Variants in NARS1 observed in about 807,000 individuals in gnomAD.
NARS1 encodes the protein asparaginyl-tRNA synthetase 1.
Under a neutral mutation model 79.2 loss-of-function variants are expected in NARS1, and 65 were observed. That is an observed-to-expected ratio of 0.82 (90% CI 0.67 to 1.01). The LOEUF (loss-of-function observed/expected upper bound fraction) is 1.01, where lower values mean the gene tolerates loss of function less well. NARS1 is among the 50% of genes least tolerant of loss of function. The probability of loss-of-function intolerance (pLI) is 0.00; values close to 1 mark genes in which losing one functional copy is unlikely to be tolerated. For missense variants in NARS1, 649 were observed against 673.8 expected (o/e 0.96, Z 0.41); for synonymous variants, 229 against 238.8 (o/e 0.96, Z 0.38).
At chr18:57,606,326 C>A (rs2051555833) in intron 10 of NARS1, among the ~76,000 whole-genome samples, 3 of 132,602 alleles carry the variant, frequency 2.3e-5, no homozygotes, top group African/African-American at 5.8e-5. Flanking sequence ...AGCCTGGCGA[C>A]AGAGTGAGAC....
At position 57,607,290 on chromosome 18, in the gene NARS1, G is replaced by T; in HGVS notation, c.845C>A (p.Ala282Asp). Reference sequence around the variant, plus strand: ...AAAATAGTCAAGCTTGAAGAGTGTGGCACCACCTTCTACTTGTGTTTGCAC... The same window carrying T: ...AAAATAGTCAAGCTTGAAGAGTGTGTCACCACCTTCTACTTGTGTTTGCAC... ...TLVQTQVEGG[A>D]TLFKLDYFGE... is the part of the protein sequence containing the mutation. Residue 282 changes from alanine to aspartate, a missense_variant, in exon 9 of 14, where the codon GCC becomes GAC. By Grantham distance (126) the Ala-to-Asp change is moderately radical. Transcript: ENST00000256854. The T allele has an allele frequency of 6.2e-7, 1 of 1,614,074 alleles. No homozygotes were observed. The highest frequency in any genetic ancestry group is 1.1e-5 in the South Asian group (1 of 91,080).
At chr18:57,620,424 A>G (rs1908250619) in intron 2 of NARS1, 145 bp downstream of exon 2, 3 of 575,240 alleles carry the variant, frequency 5.2e-6, no homozygotes, top group Non-Finnish European at 9.3e-6. Flanking sequence ...AAAGTCACAT[A>G]TCTGTATGCA....
chr18:57,618,218 G>A (rs1408820415), intron 2 of NARS1, among the ~76,000 whole-genome samples: 2 of 150,886 alleles, frequency 1.3e-5, no homozygotes, highest in African/African-American at 4.9e-5. Flanking sequence ...GAACCCAGAA[G>A]GCAGAGGTTG....
intron 4 of NARS1, 33 bp downstream of exon 4, chr18:57,615,608 G>A: frequency 6.8e-7 from 1 of 1,463,192 alleles, no homozygotes; most frequent in Non-Finnish European, 9.6e-7. Flanking sequence ...ATGTAGCCAA[G>A]TCCACGGTAT....
Position 57,609,373 on chromosome 18 carries a change from G to GTAA in NARS1, c.560_562dup (p.Leu187_Thr188insIle). The GTAA allele has an allele frequency of 6.2e-7, 1 of 1,613,680 alleles. No individual in the cohort carries two copies. Among genetic ancestry groups the GTAA allele is most frequent in the South Asian group, 1.1e-5 (1 of 91,044 alleles). ...TCCACTCACCTGCTTGCCCTTTGGG[G>GTAA]TAAGATTTAGCATTCCATACACTGC... On this transcript the variant is annotated inframe_insertion, in exon 7 of 14. Coordinates refer to ENST00000256854, the MANE Select transcript of NARS1 (RefSeq NM_004539.4).
rs1172546906 is a variant in NARS1 at position 57,613,622 on chromosome 18, A to G, written c.401T>C (p.Val134Ala). ...RGQRVKVFGW[V>A]HRLRRQGKNL... is the part of the protein sequence containing the mutation. ...TTTACCTTGCCTGCGCAGCCTGTGGACCCAGCCAAACACCTTTACTCTTTG... is the reference window on the plus strand; with the variant it reads ...TTTACCTTGCCTGCGCAGCCTGTGGGCCCAGCCAAACACCTTTACTCTTTG... The change falls in exon 5 of 14, where the codon GTC becomes GCC. Residue 134 changes from valine (V) to alanine (A), a missense_variant. Coordinates refer to ENST00000256854, the MANE Select transcript of NARS1 (RefSeq NM_004539.4). The G allele has an allele frequency of 3.7e-6, 6 of 1,613,982 alleles. No homozygotes were observed. Among genetic ancestry groups the G allele is most frequent in the Non-Finnish European group, 5.1e-6 (6 of 1,179,970 alleles).
Position 57,602,906 on chromosome 18 carries a change from G to T in NARS1, c.1289C>A (p.Thr430Asn). 2 of 1,614,040 alleles carry T rather than the reference G, an allele frequency of 1.2e-6. No individual in the cohort carries two copies. The highest frequency in any genetic ancestry group is 1.7e-6 in the Non-Finnish European group (2 of 1,179,962). The change falls in exon 12 of 14, where the codon ACC (threonine) becomes AAC (asparagine). Residue 430 changes from threonine (T) to asparagine (N), a missense_variant. Transcript: ENST00000256854. ...PEAPERLMTD[T>N]INEPILLCRF... The stretch of plus-strand genomic sequence containing the variant: ...ACACAGCAAGATTGGTTCATTAATG[G>T]TGTCTGTCATCAGTCTCTCAGGAGC...
rs388644 is a variant in NARS1 at position 57,620,507 on chromosome 18, A to T, written c.93+62T>A. On this transcript the variant is annotated intron_variant, in intron 2 of 13. Transcript: ENST00000256854. ...GAAATTAAGTTCTTGGCAAGTCACA[A>T]GAAAATTGACATAACTCATTAATAA... 0.082 allele frequency: 100,115 copies of T among 1,227,934 alleles called. 7,991 individuals carry two copies. Among genetic ancestry groups the T allele is most frequent in the East Asian group, 0.37 (15,619 of 42,286 alleles). The allele number at this position is 1,227,934 out of a possible 1,614,324, so 76.1% of individuals were successfully genotyped here. A position where few individuals can be genotyped will look rare whatever the true frequency, so the allele number is the denominator to read the frequency against.
intron 2 of NARS1, among the ~76,000 whole-genome samples, chr18:57,619,750 C>T (rs763728767): frequency 2.0e-5 from 3 of 151,932 alleles, no homozygotes; most frequent in Non-Finnish European, 4.4e-5. Context: ...AGTGCAGTGG[C>T]GCAATGGTGG....
intron 5 of NARS1, among the ~76,000 whole-genome samples, chr18:57,612,683 G>A (rs1010630470): frequency 9.2e-5 from 14 of 152,140 alleles, no homozygotes; most frequent in Non-Finnish European, 1.9e-4. Context: ...CGATCCACCC[G>A]CCTTGGCCTC....
At position 57,601,731 on chromosome 18, in the gene NARS1, A is replaced by C; in HGVS notation, c.1568T>G (p.Phe523Cys). 6.2e-7 allele frequency: 1 copy of C among 1,613,714 alleles called. No individual in the cohort carries two copies. The highest frequency in any genetic ancestry group is 8.5e-7 in the Non-Finnish European group (1 of 1,179,588). ...ATACCTATTCAGAATCCACGTTAAGAATCGTTCCAAGCCCAAGCCATATCC... is the reference window on the plus strand; with the variant it reads ...ATACCTATTCAGAATCCACGTTAAGCATCGTTCCAAGCCCAAGCCATATCC... ...HGGYGLGLERFLTWILNRYHI... is the reference protein window; with the variant it reads ...HGGYGLGLERCLTWILNRYHI... Residue 523 changes from phenylalanine (F) to cysteine (C), a missense_variant, in exon 14 of 14, where the codon TTC (phenylalanine) becomes TGC (cysteine). Phe to Cys is a radical substitution (Grantham distance 205). Transcript: ENST00000256854.
At position 57,601,746 on chromosome 18, in the gene NARS1, A is replaced by G; in HGVS notation, c.1553T>C (p.Leu518Ser). The change falls in exon 14 of 14, where the codon TTG (leucine) becomes TCG (serine). Residue 518 changes from leucine to serine, a missense_variant. Physicochemically the swap from Leu to Ser is moderately radical, Grantham distance 145 (BLOSUM62 -2). Transcript: ENST00000256854. ...CCACGTTAAGAATCGTTCCAAGCCCAAGCCATATCCTCCATGGGGACATGT... is the reference window on the plus strand; with the variant it reads ...CCACGTTAAGAATCGTTCCAAGCCCGAGCCATATCCTCCATGGGGACATGT... The part of the protein sequence containing the change: ...YGTCPHGGYG[L>S]GLERFLTWIL... 6.2e-7 allele frequency: 1 copy of G among 1,613,788 alleles called. No individual in the cohort carries two copies. Among genetic ancestry groups the G allele is most frequent in the Non-Finnish European group, 8.5e-7 (1 of 1,179,646 alleles).
At chr18:57,621,116 T>C (rs1273452818) in intron 1 of NARS1, among the ~76,000 whole-genome samples, 1 of 152,126 alleles carries the variant, frequency 6.6e-6, no homozygotes, top group Non-Finnish European at 1.5e-5. Context: ...GATATCCCAG[T>C]GCCAGTTTTT....
In NARS1 at chr18:57,602,863, G is replaced by C. The variant is rs1249679679; in HGVS notation, c.1332C>G (p.Ile444Met). 4.3e-6 allele frequency: 7 copies of C among 1,613,930 alleles called. No individual in the cohort carries two copies. The highest frequency in any genetic ancestry group is 5.1e-6 in the Non-Finnish European group (6 of 1,179,930). Reference protein sequence around the residue: ...PILLCRFPVEIKSFYMQRCPE... With the variant: ...PILLCRFPVEMKSFYMQRCPE... ...GACATCGCTGCATGTAGAAGGACTT[G>C]ATCTCCACAGGAAATCGACACAGCA... Residue 444 changes from isoleucine to methionine, a missense_variant, in exon 12 of 14, where the codon ATC becomes ATG. Physicochemically the swap from Ile to Met is conservative, Grantham distance 10 (BLOSUM62 1). Transcript: ENST00000256854.
chr18:57,614,848 T>C (rs2122449559), intron 4 of NARS1, among the ~76,000 whole-genome samples: 1 of 152,254 alleles, frequency 6.6e-6, no homozygotes, highest in South Asian at 2.1e-4. Flanking sequence ...ACTAGCCTCA[T>C]AACTCTAAAA....
At chr18:57,620,440 T>A in intron 2 of NARS1, 129 bp downstream of exon 2, 1 of 638,378 alleles carries the variant, frequency 1.6e-6, no homozygotes, top group Non-Finnish European at 2.8e-6. Flanking sequence ...ATGCATTCCT[T>A]ACTTTCCCTT....
chr18:57,615,327 C>T, intron 4 of NARS1, among the ~76,000 whole-genome samples: 1 of 151,978 alleles, frequency 6.6e-6, no homozygotes, highest in Non-Finnish European at 1.5e-5. Flanking sequence ...ACGGTGAAAC[C>T]CCGTCTCTAC....
rs1273364565 is a variant in NARS1, at chr18:57,615,955, T to C, written c.114A>G (p.Lys38=). ...TGLKALMTVG[K]EPFPTIYVDS... ...CTACGTAAATGGTAGGAAATGGTTCTTTCCCTACTGTCATCAAAGCCTTGG... is the reference window on the plus strand; with the variant it reads ...CTACGTAAATGGTAGGAAATGGTTCCTTCCCTACTGTCATCAAAGCCTTGG... Residue 38 remains lysine (K), a synonymous_variant, in exon 3 of 14, where the codon AAA becomes AAG. Transcript: ENST00000256854. The C allele has an allele frequency of 6.2e-7, 1 of 1,610,610 alleles. No homozygotes were observed. The highest frequency in any genetic ancestry group is 8.5e-7 in the Non-Finnish European group (1 of 1,178,602).
rs11285116 is a variant in NARS1 at position 57,605,610 on chromosome 18, C to CAAAAAAAAAA, written c.1251+237_1251+246dup. ...TAGGCGACAGAGCGAGACTCCGTCT[C>CAAAAAAAAAA]AAAAAAAAAAAAAAAAAAGAAAAAA... On this transcript the variant is annotated intron_variant, in intron 11 of 13. Coordinates refer to ENST00000256854, the MANE Select transcript of NARS1 (RefSeq NM_004539.4). Among the ~76,000 whole-genome samples, 2 of 109,652 alleles carry CAAAAAAAAAA rather than the reference C, an allele frequency of 1.8e-5. 1 individual carries two copies. The highest frequency in any genetic ancestry group is 3.7e-5 in the Non-Finnish European group (2 of 53,508). The allele number at this position is 109,652 out of a possible 152,430, so 71.9% of individuals were successfully genotyped here.
Sources: allele counts gnomAD v4.1 joint callset (sites outside exome capture counted in the v4.1 genomes callset), GRCh38; gene constraint gnomAD v4.1.1; transcripts MANE v1.5; gene names NCBI Gene and HGNC (gene_info 2026-07-23, HGNC 2026-07-21).